The following RAB3C variants were observed in gnomAD, a reference collection of about 807,000 sequenced individuals.
RAB3C encodes ras-related protein Rab-3C.
RAB3C carries 17 observed loss-of-function variants against 26.4 expected under a neutral mutation model. The observed-to-expected ratio is 0.64, with a 90% confidence interval of 0.44 to 0.97. RAB3C has a LOEUF of 0.97. Among genes scored for constraint, RAB3C ranks in the 50% least tolerant of loss-of-function variants. RAB3C has a pLI of 0.00. For synonymous variants in RAB3C, 91 were observed against 95.9 expected, an observed-to-expected ratio of 0.95 and a Z score of 0.30; for missense variants, 242 against 281.9, an observed-to-expected ratio of 0.86 and a Z score of 1.01.
chr5:58,752,723 ATTTCC>A (rs1337235685), intron 3 of RAB3C, among the ~76,000 whole-genome samples: 1 of 152,152 alleles, frequency 6.6e-6, no homozygotes, highest in African/African-American at 2.4e-5. Context: ...AGAGATCTGA[ATTTCC>A]TTTACTTTGC....
At chr5:58,696,975 T>C (rs2111870942) in intron 2 of RAB3C, among the ~76,000 whole-genome samples, 1 of 152,306 alleles carries the variant, frequency 6.6e-6, no homozygotes, top group East Asian at 1.9e-4. Flanking sequence ...CTTTTGAATG[T>C]GTTTGCTCTT....
chr5:58,771,797 T>C (rs1742034440), intron 3 of RAB3C, among the ~76,000 whole-genome samples: 1 of 152,014 alleles, frequency 6.6e-6, no homozygotes, highest in South Asian at 2.1e-4. Context: ...AATATCTGTT[T>C]TTGCAGAAGT....
chr5:58,813,778 A>AGATATTATTTAACTCTGGACTT (rs1219846087), intron 3 of RAB3C, among the ~76,000 whole-genome samples: 6 of 152,106 alleles, frequency 3.9e-5, no homozygotes, highest in South Asian at 2.1e-4. Flanking sequence ...ATATTCAGTG[A>AGATATTATTTAACTCTGGACTT]ATGCACACAT....
intron 2 of RAB3C, among the ~76,000 whole-genome samples, chr5:58,625,724 G>A (rs938390324): frequency 1.3e-5 from 2 of 152,008 alleles, no homozygotes; most frequent in African/African-American, 4.8e-5. Flanking sequence ...GGGTGTTGTG[G>A]TGCACGCCTG....
intron 1 of RAB3C, among the ~76,000 whole-genome samples, chr5:58,600,061 A>G (rs182749739): frequency 7.2e-5 from 11 of 152,264 alleles, no homozygotes; most frequent in African/African-American, 2.6e-4. Flanking sequence ...TCATTCTCCT[A>G]CATGTGGCTA....
intron 1 of RAB3C, among the ~76,000 whole-genome samples, chr5:58,598,593 C>T (rs545316670): frequency 3.9e-5 from 6 of 152,124 alleles, no homozygotes; most frequent in African/African-American, 1.2e-4. Context: ...TGTTCTAGGA[C>T]AGGTCCTATC....
At chr5:58,809,385 GAA>G (rs34954956) in intron 3 of RAB3C, among the ~76,000 whole-genome samples, 2,840 of 114,992 alleles carry the variant, frequency 0.025, 85 homozygotes, top group African/African-American at 0.076. Context: ...CTTTTTCTCA[GAA>G]AAAAAAAAAA....
At chr5:58,767,719 C>T (rs978723633) in intron 3 of RAB3C, among the ~76,000 whole-genome samples, 1 of 152,110 alleles carries the variant, frequency 6.6e-6, no homozygotes, top group African/African-American at 2.4e-5. Context: ...AGCTAGACAA[C>T]GGTCATATTC....
intron 3 of RAB3C, among the ~76,000 whole-genome samples, chr5:58,735,420 G>A (rs991642390): frequency 3.9e-5 from 6 of 152,138 alleles, no homozygotes; most frequent in East Asian, 3.8e-4. Flanking sequence ...TGTGAGTAAC[G>A]AGGACAAACT....
chr5:58,711,490 G>T (rs531036408), intron 2 of RAB3C, among the ~76,000 whole-genome samples: 1 of 152,292 alleles, frequency 6.6e-6, no homozygotes, highest in East Asian at 1.9e-4. Context: ...CCCTGCTTGT[G>T]AGTCTTAGAG....
chr5:58,806,323 G>C (rs1742937311), intron 3 of RAB3C, among the ~76,000 whole-genome samples: 2 of 152,188 alleles, frequency 1.3e-5, no homozygotes, highest in African/African-American at 2.4e-5. Flanking sequence ...AGTAAGTGCT[G>C]CTGAATAAAT....
intron 2 of RAB3C, among the ~76,000 whole-genome samples, chr5:58,674,517 C>T (rs1748184088): frequency 6.6e-6 from 1 of 152,170 alleles, no homozygotes; most frequent in Admixed American, 6.5e-5. Flanking sequence ...GCCAAGAAAT[C>T]ATGTTTCCTG....
At chr5:58,585,165 A>G (rs1488182591) in intron 1 of RAB3C, among the ~76,000 whole-genome samples, 4 of 152,026 alleles carry the variant, frequency 2.6e-5, no homozygotes, top group African/African-American at 9.7e-5. Context: ...AGCATATTTA[A>G]TTAAAGCACA....
In RAB3C at chr5:58,612,520, G is replaced by A. The variant is rs372526489; in HGVS notation, c.25-5123G>A. ...TGTGTGTGTGTGTGTGTGTGTGTGT[G>A]TATATATATATATATATATATATAT... On this transcript the variant is annotated intron_variant, in intron 1 of 4. Coordinates refer to ENST00000282878, the MANE Select transcript of RAB3C (RefSeq NM_138453.4). Among the ~76,000 whole-genome samples the A allele has an allele frequency of 3.2e-3, 257 of 79,096 alleles. 5 individuals carry two copies. The highest frequency in any genetic ancestry group is 3.7e-3 in the Non-Finnish European group (134 of 36,140). The allele number at this position is 79,096 out of a possible 152,430, so 51.9% of individuals were successfully genotyped here.
intron 1 of RAB3C, among the ~76,000 whole-genome samples, chr5:58,586,244 A>C (rs1010031547): frequency 6.6e-6 from 1 of 152,054 alleles, no homozygotes; most frequent in African/African-American, 2.4e-5. Flanking sequence ...TATTACCCTA[A>C]TTATAGGCAT....
intron 1 of RAB3C, among the ~76,000 whole-genome samples, chr5:58,591,992 G>T (rs558655590): frequency 4.7e-5 from 7 of 150,212 alleles, no homozygotes; most frequent in African/African-American, 1.5e-4. Flanking sequence ...TCTGCCTCCC[G>T]GGTTCAAGCG....
At chr5:58,657,415 G>A (rs1192528575) in intron 2 of RAB3C, among the ~76,000 whole-genome samples, 1 of 152,098 alleles carries the variant, frequency 6.6e-6, no homozygotes, top group African/African-American at 2.4e-5. Flanking sequence ...GAGTATTCGG[G>A]GAAGGACTTT....
chr5:58,690,134 G>C (rs978603830), intron 2 of RAB3C, among the ~76,000 whole-genome samples: 3 of 152,128 alleles, frequency 2.0e-5, no homozygotes, highest in Non-Finnish European at 4.4e-5. Flanking sequence ...AACAGGAAAA[G>C]CTATATAGAC....
chr5:58,720,411 T>C (rs950713386), intron 2 of RAB3C, among the ~76,000 whole-genome samples: 5 of 152,052 alleles, frequency 3.3e-5, no homozygotes, highest in Admixed American at 2.0e-4. Context: ...AACATTAAAA[T>C]ATACTGAGCA....
Sources: gnomAD v4.1 joint callset for allele counts (sites outside exome capture counted in the v4.1 genomes callset) on GRCh38, gnomAD v4.1.1 for gene constraint, MANE v1.5 for transcripts, NCBI Gene and HGNC (gene_info 2026-07-23, HGNC 2026-07-21) for gene names.